The following SCHIP1 variants were observed in gnomAD, a reference collection of about 807,000 sequenced individuals.
SCHIP1 encodes schwannomin interacting protein 1, also known as schwannomin-interacting protein 1.
SCHIP1 carries 8 observed loss-of-function variants against 29.7 expected under a neutral mutation model. That is an observed-to-expected ratio of 0.27 (90% CI 0.16 to 0.49). SCHIP1 has a LOEUF of 0.49. SCHIP1 is among the 20% of genes least tolerant of loss of function. SCHIP1 has a pLI of 0.99. For missense variants in SCHIP1, 193 were observed against 294.6 expected, an observed-to-expected ratio of 0.66 and a Z score of 2.52; for synonymous variants, 76 against 94.9, an observed-to-expected ratio of 0.80 and a Z score of 1.16.
chr3:159,401,085 C>T, the SCHIP1 span: 1 of 551,102 alleles, frequency 1.8e-6, no homozygotes, highest in Non-Finnish European at 2.3e-6. Context: ...GTGATAATAG[C>T]ACATCCTACA....
chr3:159,402,960 A>G, the SCHIP1 span, among the ~76,000 whole-genome samples: 18 of 151,936 alleles, frequency 1.2e-4, no homozygotes, highest in Admixed American at 4.6e-4. Flanking sequence ...AAAAAAAGAA[A>G]TATCTCCCCC....
the SCHIP1 span, among the ~76,000 whole-genome samples, chr3:159,509,430 G>T: frequency 9.8e-5 from 15 of 152,308 alleles, 1 homozygote; most frequent in African/African-American, 3.4e-4. Context: ...CAATTTGCCA[G>T]TATGTGTCTT....
chr3:159,861,279 C>T lies in SCHIP1; in HGVS notation c.31-4884C>T, dbSNP rs1714034980. 1.3e-5 allele frequency among the ~76,000 whole-genome samples: 2 copies of T among 152,002 alleles called. No individual in the cohort carries two copies. The highest frequency in any genetic ancestry group is 4.8e-5 in the African/African-American group (2 of 41,378). On this transcript the variant is annotated intron_variant, in intron 1 of 6. Transcript: ENST00000445224. This position sits in a 1 kb window ranked among gnomAD's most constrained non-coding sequence, Gnocchi z 4.1. Reference sequence around the variant, plus strand: ...GATCTTGGTGTGTAAGGGATGGGGCCATGCCATATGCCGAAAAAAAGGGTG... The same window carrying T: ...GATCTTGGTGTGTAAGGGATGGGGCTATGCCATATGCCGAAAAAAAGGGTG...
At chr3:159,705,248 A>G in the SCHIP1 span, among the ~76,000 whole-genome samples, 323 of 152,006 alleles carry the variant, frequency 2.1e-3, 1 homozygote, top group African/African-American at 7.6e-3. Context: ...ACAGGCGTGA[A>G]CCACGGTGCC....
the SCHIP1 span, among the ~76,000 whole-genome samples, chr3:159,449,702 G>C: frequency 6.6e-6 from 1 of 152,052 alleles, no homozygotes; most frequent in African/African-American, 2.4e-5. Flanking sequence ...TATTCAAAGT[G>C]CCCCTGACTC....
the SCHIP1 span, among the ~76,000 whole-genome samples, chr3:159,438,853 G>A: frequency 1.0e-3 from 158 of 152,266 alleles, no homozygotes; most frequent in Non-Finnish European, 1.8e-3. Context: ...GTATGCCATG[G>A]TGTATATGTA....
At chr3:159,633,689 A>G in the SCHIP1 span, among the ~76,000 whole-genome samples, 1 of 152,320 alleles carries the variant, frequency 6.6e-6, no homozygotes, top group East Asian at 1.9e-4. Flanking sequence ...AAGAAGAAAT[A>G]TATTTTTCCA....
At chr3:159,323,846 ATC>A in the SCHIP1 span, among the ~76,000 whole-genome samples, 1 of 152,146 alleles carries the variant, frequency 6.6e-6, no homozygotes. Context: ...TGGGAATGCT[ATC>A]GGTGAGCTAA....
At chr3:159,797,404 T>C in the SCHIP1 span, among the ~76,000 whole-genome samples, 3 of 152,226 alleles carry the variant, frequency 2.0e-5, no homozygotes, top group African/African-American at 7.2e-5. Flanking sequence ...TGATACCAAC[T>C]TCATGCAGTT....
At chr3:159,666,860 A>G in the SCHIP1 span, among the ~76,000 whole-genome samples, 1 of 152,192 alleles carries the variant, frequency 6.6e-6, no homozygotes, top group Non-Finnish European at 1.5e-5. Context: ...ACCTATGTCT[A>G]CCAAACCTGC....
At chr3:159,896,583 T>TA (rs1718089401) in intron 6 of SCHIP1, 140 bp from the exon 8 acceptor site, 3 of 687,290 alleles carry the variant, frequency 4.4e-6, no homozygotes, top group Non-Finnish European at 6.4e-6. Flanking sequence ...AGAGTTTGAA[T>TA]AAGGTACTTT....
the SCHIP1 span, among the ~76,000 whole-genome samples, chr3:159,495,084 T>C: frequency 1.3e-5 from 2 of 152,182 alleles, no homozygotes; most frequent in Non-Finnish European, 2.9e-5. Context: ...TCTCAATAAG[T>C]TAGGCATTGA....
chr3:159,782,712 A>G, the SCHIP1 span, among the ~76,000 whole-genome samples: 3 of 152,232 alleles, frequency 2.0e-5, no homozygotes, highest in Non-Finnish European at 4.4e-5. Flanking sequence ...CCTCAGGTTT[A>G]GCAGAGGCTC....
chr3:159,728,836 T>G, the SCHIP1 span, among the ~76,000 whole-genome samples: 6 of 152,164 alleles, frequency 3.9e-5, no homozygotes, highest in African/African-American at 1.4e-4. Flanking sequence ...TTTGAAGCTC[T>G]CAGGTTTACT....
At chr3:159,611,588 T>TA in the SCHIP1 span, among the ~76,000 whole-genome samples, 1 of 151,864 alleles carries the variant, frequency 6.6e-6, no homozygotes, top group Non-Finnish European at 1.5e-5. Context: ...ATGCAGGGCT[T>TA]AAAACCTAGA....
the SCHIP1 span, among the ~76,000 whole-genome samples, chr3:159,300,113 CTTTTTTTT>C: frequency 2.6e-4 from 12 of 45,358 alleles, no homozygotes; most frequent in Admixed American, 6.1e-4. Context: ...GGGAAAGCTG[CTTTTTTTT>C]TTTTTTTTTT....
the SCHIP1 span, among the ~76,000 whole-genome samples, chr3:159,787,541 A>T: frequency 2.4e-4 from 36 of 152,288 alleles, no homozygotes; most frequent in Non-Finnish European, 4.9e-4. Context: ...CTGTGTTTGA[A>T]ACCTCCAGGA....
chr3:159,813,836 T>G, the SCHIP1 span, among the ~76,000 whole-genome samples: 10 of 152,170 alleles, frequency 6.6e-5, no homozygotes, highest in African/African-American at 2.4e-4. Flanking sequence ...GCTTTATAGG[T>G]ACCAAGATAA....
chr3:159,545,389 A>G, the SCHIP1 span, among the ~76,000 whole-genome samples: 10 of 152,004 alleles, frequency 6.6e-5, 1 homozygote, highest in South Asian at 2.1e-3. Flanking sequence ...AATGTGAAAA[A>G]AGAGACTGGC....
Sources: gnomAD v4.1 joint callset for allele counts (sites outside exome capture counted in the v4.1 genomes callset) on GRCh38, gnomAD v4.1.1 for gene constraint, Gnocchi (gnomAD v3.1) non-coding constraint, MANE v1.5 for transcripts, NCBI Gene and HGNC (gene_info 2026-07-23, HGNC 2026-07-21) for gene names.